Variants in CNTN5 observed in about 807,000 individuals in gnomAD.
CNTN5 encodes contactin-5.
A neutral mutation model predicts 129.1 loss-of-function variants in CNTN5; 77 were observed. That is an observed-to-expected ratio of 0.60 (90% confidence interval 0.50 to 0.72). CNTN5 has a LOEUF of 0.72. Ranked by LOEUF, CNTN5 falls within the 30% of genes least tolerant of loss-of-function variation. The pLI is 0.00. For missense variants in CNTN5, 1,478 were observed against 1,328.8 expected, an observed-to-expected ratio of 1.11 and a Z score of -1.75; for synonymous variants, 509 against 465.6, an observed-to-expected ratio of 1.09 and a Z score of -1.20.
At chr11:100,147,070 T>C (rs1034447229) in intron 13 of CNTN5, among the ~76,000 whole-genome samples, 4 of 152,092 alleles carry the variant, frequency 2.6e-5, no homozygotes, top group Non-Finnish European at 4.4e-5. Flanking sequence ...TGCCTCTTTC[T>C]CTACAGGATA....
chr11:100,011,001 A>T (rs905274540), intron 9 of CNTN5, among the ~76,000 whole-genome samples: 2 of 152,008 alleles, frequency 1.3e-5, no homozygotes, highest in Non-Finnish European at 2.9e-5. Flanking sequence ...TAGTGTGCTG[A>T]ATTTTGGGAT....
chr11:100,195,030 A>G (rs537849491), intron 15 of CNTN5, among the ~76,000 whole-genome samples: 1 of 150,178 alleles, frequency 6.7e-6, no homozygotes, highest in East Asian at 2.1e-4. Flanking sequence ...GTGTTAAATT[A>G]AACACATTTT....
rs1265966138 is a variant in CNTN5 at position 99,576,237 on chromosome 11, CA to C, written c.55+19972del. ...GCAGAGCTGGATATATTAGTATTCT[CA>C]AAATGAGTCTTAATTGCCAAAACAA... is the stretch of plus-strand genomic sequence containing the variant. On this transcript the variant is annotated intron_variant, in intron 3 of 24. Coordinates refer to ENST00000524871, the MANE Select transcript of CNTN5 (RefSeq NM_014361.4). 3.3e-5 allele frequency among the ~76,000 whole-genome samples: 5 copies of C among 152,228 alleles called. No individual in the cohort carries two copies. The East Asian group carries it at 9.7e-4, about 29-fold the overall frequency.
intron 3 of CNTN5, among the ~76,000 whole-genome samples, chr11:99,704,941 A>G (rs998616182): frequency 6.6e-6 from 1 of 151,276 alleles, no homozygotes; most frequent in African/African-American, 2.4e-5. Context: ...AGCATCTGGC[A>G]TTCCAATAAT....
In CNTN5 at chr11:99,967,725, A is replaced by G. The variant is rs575493706; in HGVS notation, c.877+10716A>G. 1.1e-3 allele frequency among the ~76,000 whole-genome samples: 163 copies of G among 152,084 alleles called. 1 individual carries two copies. The highest frequency in any genetic ancestry group is 2.0e-3 in the Non-Finnish European group (139 of 68,006). On this transcript the variant is annotated intron_variant, in intron 8 of 24. Coordinates refer to ENST00000524871, the MANE Select transcript of CNTN5 (RefSeq NM_014361.4). ...TCCGAGCCGTAATTCCTCAACAGCT[A>G]TAATTTCTTCCTCAAACACCTGTGC...
chr11:99,964,376 A>G lies in CNTN5; in HGVS notation c.877+7367A>G, dbSNP rs576246150. Among the ~76,000 whole-genome samples, 8 of 152,214 alleles carry G rather than the reference A, an allele frequency of 5.3e-5. 1 individual carries two copies. Among genetic ancestry groups the G allele is most frequent in the Admixed American group, 2.0e-4 (3 of 15,288 alleles). ...AGAGTTTTTAGCATGAAGATTGTTG[A>G]ATTTTGTCAAAGGCCTTTTTCTGCA... is the stretch of plus-strand genomic sequence containing the variant. On this transcript the variant is annotated intron_variant, in intron 8 of 24. Transcript: ENST00000524871.
intron 1 of CNTN5, among the ~76,000 whole-genome samples, chr11:99,193,222 GA>G (rs1290352374): frequency 6.6e-6 from 1 of 151,684 alleles, no homozygotes; most frequent in Non-Finnish European, 1.5e-5. Context: ...CTATAAAAAT[GA>G]AATTTTGGAT....
intron 1 of CNTN5, among the ~76,000 whole-genome samples, chr11:99,304,717 A>G (rs1273963738): frequency 6.6e-6 from 1 of 152,186 alleles, no homozygotes; most frequent in Non-Finnish European, 1.5e-5. Flanking sequence ...AAATTCCTTG[A>G]TGTCCAGTGA....
intron 2 of CNTN5, among the ~76,000 whole-genome samples, chr11:99,432,194 C>T (rs777397866): frequency 2.6e-5 from 4 of 152,112 alleles, no homozygotes; most frequent in Non-Finnish European, 5.9e-5. Context: ...ATTTTCTTTT[C>T]ACAACCACCA....
At chr11:99,869,392 A>G (rs955120552) in intron 6 of CNTN5, among the ~76,000 whole-genome samples, 5 of 152,218 alleles carry the variant, frequency 3.3e-5, no homozygotes, top group African/African-American at 1.2e-4. Flanking sequence ...AGATAAATAT[A>G]TATAAAATTT....
intron 3 of CNTN5, among the ~76,000 whole-genome samples, chr11:99,695,936 T>A (rs536953433): frequency 3.3e-5 from 5 of 152,216 alleles, no homozygotes; most frequent in Middle Eastern, 3.4e-3. Context: ...AGTTAATACA[T>A]ACAAAAGTTT....
At chr11:99,573,964 G>T (rs968141747) in intron 3 of CNTN5, among the ~76,000 whole-genome samples, 1 of 152,024 alleles carries the variant, frequency 6.6e-6, no homozygotes, top group Non-Finnish European at 1.5e-5. Context: ...GTGCAGGTTT[G>T]TTACGTAAGT....
intron 9 of CNTN5, among the ~76,000 whole-genome samples, chr11:100,059,693 G>C (rs139552146): frequency 6.6e-6 from 1 of 152,118 alleles, no homozygotes; most frequent in Non-Finnish European, 1.5e-5. Flanking sequence ...GATCAAATGC[G>C]ATGCTGGCAA....
At chr11:100,271,310 C>A in intron 18 of CNTN5, 69 bp downstream of exon 18, 2 of 1,150,348 alleles carry the variant, frequency 1.7e-6, no homozygotes, top group South Asian at 2.0e-5. Flanking sequence ...GTTGAATTAA[C>A]CATGATTGCT....
chr11:99,480,932 G>C (rs1945572415), intron 2 of CNTN5, among the ~76,000 whole-genome samples: 2 of 152,106 alleles, frequency 1.3e-5, no homozygotes, highest in African/African-American at 4.8e-5. Flanking sequence ...ATTCATTGGG[G>C]ATATTGTGTA....
At chr11:99,710,682 T>G (rs1954950060) in intron 3 of CNTN5, among the ~76,000 whole-genome samples, 1 of 151,248 alleles carries the variant, frequency 6.6e-6, no homozygotes, top group Admixed American at 6.6e-5. Flanking sequence ...TCTCACATGT[T>G]GGGGAGTAAA....
intron 11 of CNTN5, 63 bp downstream of exon 11, chr11:100,070,623 C>G: frequency 4.0e-6 from 6 of 1,518,416 alleles, no homozygotes; most frequent in Non-Finnish European, 5.5e-6. Context: ...ACAGGACAAA[C>G]TAGGCTTCTT....
At chr11:100,182,158 T>A (rs1164692775) in intron 13 of CNTN5, among the ~76,000 whole-genome samples, 2 of 152,086 alleles carry the variant, frequency 1.3e-5, no homozygotes, top group African/African-American at 4.8e-5. Flanking sequence ...CCTACATATA[T>A]ATGCCAATTG....
chr11:99,342,311 T>G (rs937454260), intron 2 of CNTN5, among the ~76,000 whole-genome samples: 5 of 152,032 alleles, frequency 3.3e-5, no homozygotes. Context: ...GGGATATATA[T>G]GGGAAACCTG....
Sources: gnomAD v4.1 joint callset for allele counts (sites outside exome capture counted in the v4.1 genomes callset) on GRCh38, gnomAD v4.1.1 for gene constraint, MANE v1.5 for transcripts, NCBI Gene and HGNC (gene_info 2026-07-23, HGNC 2026-07-21) for gene names.